Variants in CDH11 observed in about 807,000 individuals in gnomAD.
CDH11 encodes the protein cadherin-11.
In CDH11, 11 loss-of-function variants were observed where a neutral mutation model predicts 67.8. That is an observed-to-expected ratio of 0.16 (90% CI 0.10 to 0.27). CDH11 has a LOEUF of 0.27. Among genes scored for constraint, CDH11 ranks in the 10% least tolerant of loss-of-function variants. The pLI is 1.00. For synonymous variants in CDH11, 419 were observed against 400.0 expected (o/e 1.05, Z -0.57); for missense variants, 847 against 1,031.2 (o/e 0.82, Z 2.45).
intron 1 of CDH11, among the ~76,000 whole-genome samples, chr16:65,075,138 C>G (rs747537509): frequency 6.6e-6 from 1 of 152,146 alleles, no homozygotes; most frequent in Non-Finnish European, 1.5e-5. Context: ...TGGGTGTGCA[C>G]TGCCAGCCTG....
intron 12 of CDH11, 77 bp from the exon 13 acceptor site, chr16:64,948,176 T>G (rs867538276): frequency 6.5e-7 from 1 of 1,533,164 alleles, no homozygotes; most frequent in Middle Eastern, 1.8e-4. Context: ...GAACTCTGAT[T>G]ACCATAAACC....
At chr16:65,026,467 T>G (rs1034402786) in intron 2 of CDH11, among the ~76,000 whole-genome samples, 2 of 152,176 alleles carry the variant, frequency 1.3e-5, no homozygotes, top group African/African-American at 4.8e-5. Context: ...TCTTTCAAAT[T>G]TTGCTTTCTG....
chr16:65,080,764 T>C (rs941194998), intron 1 of CDH11, among the ~76,000 whole-genome samples: 11 of 152,224 alleles, frequency 7.2e-5, no homozygotes, highest in Non-Finnish European at 1.5e-4. Context: ...ATTTGTTCTT[T>C]AGTCATCATT....
At chr16:64,969,866 T>G (rs1182960300) in intron 11 of CDH11, among the ~76,000 whole-genome samples, 1 of 152,212 alleles carries the variant, frequency 6.6e-6, no homozygotes, top group Non-Finnish European at 1.5e-5. Context: ...GTATTACATA[T>G]GTGTGTCCCA....
Position 64,950,991 on chromosome 16 carries a change from C to A in CDH11, c.1670G>T (p.Arg557Leu). The A allele has an allele frequency of 6.2e-7, 1 of 1,614,032 alleles. No homozygotes were observed. The highest frequency in any genetic ancestry group is 8.5e-7 in the Non-Finnish European group (1 of 1,180,016). The change falls in exon 12 of 13, where the codon CGT becomes CTT. Residue 557 changes from arginine to leucine, a missense_variant. Around this residue, in one of 2 missense-constraint regions of CDH11, gnomAD observed 612 missense variants for 678.7 expected, o/e 0.90. Coordinates refer to ENST00000268603, the MANE Select transcript of CDH11 (RefSeq NM_001797.4). ...RDNTAGVYAR[R>L]GGFSRQKQDL... is the part of the protein sequence containing the mutation. ...CTGCTTCTGCCGACTGAACCCTCCA[C>A]GCCGGGCGTACACGCCTGCTGTGTT...
intron 1 of CDH11, among the ~76,000 whole-genome samples, chr16:65,117,467 C>A (rs181045643): frequency 7.8e-4 from 118 of 152,146 alleles, no homozygotes; most frequent in African/African-American, 2.7e-3. Flanking sequence ...TAATCATAAG[C>A]CATAATTTCC....
intron 8 of CDH11, among the ~76,000 whole-genome samples, chr16:64,974,733 A>T (rs1256618217): frequency 1.3e-5 from 2 of 152,214 alleles, no homozygotes; most frequent in African/African-American, 2.4e-5. Flanking sequence ...TGTGGAAAGG[A>T]GTCAAAAAAA....
At chr16:65,068,473 G>A (rs1040041779) in intron 1 of CDH11, among the ~76,000 whole-genome samples, 2 of 147,658 alleles carry the variant, frequency 1.4e-5, no homozygotes, top group African/African-American at 5.0e-5. Context: ...TTGGATCTAT[G>A]AGACTGTCTA....
At chr16:65,062,430 C>T (rs2074247670) in intron 1 of CDH11, among the ~76,000 whole-genome samples, 1 of 152,092 alleles carries the variant, frequency 6.6e-6, no homozygotes, top group Admixed American at 6.6e-5. Flanking sequence ...GTCACAGCCT[C>T]CCGCTATCTT....
intron 8 of CDH11, 66 bp downstream of exon 8, chr16:64,981,982 G>T: frequency 1.4e-6 from 2 of 1,448,816 alleles, no homozygotes; most frequent in Non-Finnish European, 9.3e-7. Context: ...GTTCCTACAG[G>T]GCTTTCCCAG....
chr16:64,945,455 G>T lies in CDH11; in HGVS notation c.*2148C>A. ...CCTAGAGAAAAGGATCATCCATGGT[G>T]ACAGGGTTACTTACAGCTGTATACT... is the stretch of plus-strand genomic sequence containing the variant. On this transcript the variant is annotated 3_prime_UTR_variant, in exon 13 of 13. Coordinates refer to ENST00000268603, the MANE Select transcript of CDH11 (RefSeq NM_001797.4). The T allele has an allele frequency of 9.6e-7, 1 of 1,036,396 alleles. No homozygotes were observed. The highest frequency in any genetic ancestry group is 1.2e-6 in the Non-Finnish European group (1 of 860,248). 64.2% of individuals were successfully genotyped at this position (1,036,396 alleles called of 1,614,324 possible).
At chr16:65,038,922 T>A (rs2073809258) in intron 2 of CDH11, among the ~76,000 whole-genome samples, 1 of 152,196 alleles carries the variant, frequency 6.6e-6, no homozygotes. Context: ...AGTGAGGACA[T>A]TTAACTTTAA....
At chr16:65,003,905 G>A (rs898963959) in intron 3 of CDH11, among the ~76,000 whole-genome samples, 2 of 152,220 alleles carry the variant, frequency 1.3e-5, no homozygotes, top group African/African-American at 4.8e-5. Context: ...GAAGTAGACA[G>A]ATTAATAAGT....
At chr16:65,040,804 T>C (rs1457303343) in intron 2 of CDH11, among the ~76,000 whole-genome samples, 1 of 152,246 alleles carries the variant, frequency 6.6e-6, no homozygotes, top group Non-Finnish European at 1.5e-5. Context: ...ACCATGCTTT[T>C]TATTGACATG....
intron 1 of CDH11, among the ~76,000 whole-genome samples, chr16:65,065,712 A>C (rs74026242): frequency 0.017 from 2,557 of 152,300 alleles, 78 homozygotes; most frequent in African/African-American, 0.058. Flanking sequence ...ATAGAGGAAG[A>C]TACTCAACAG....
At chr16:65,076,819 G>A (rs2074518795) in intron 1 of CDH11, among the ~76,000 whole-genome samples, 1 of 151,988 alleles carries the variant, frequency 6.6e-6, no homozygotes, top group African/African-American at 2.4e-5. Flanking sequence ...GAGAATGATG[G>A]TTTCCAGCTT....
rs575321945 is a variant in CDH11, at chr16:65,018,409, CA to C, written c.-172-13369del. Among the ~76,000 whole-genome samples the C allele has an allele frequency of 3.0e-4, 45 of 151,862 alleles. No individual in the cohort carries two copies. In the South Asian group the frequency reaches 7.9e-3, roughly 27 times the overall value. ...GAGTTTCTTCAATTTTGTCTGGTTA[CA>C]AAAAAATTTTAAAAAAAACAGACTC... is the stretch of plus-strand genomic sequence containing the variant. On this transcript the variant is annotated intron_variant, in intron 2 of 12. Transcript: ENST00000268603.
At chr16:65,108,131 G>A (rs988677600) in intron 1 of CDH11, among the ~76,000 whole-genome samples, 1 of 152,064 alleles carries the variant, frequency 6.6e-6, no homozygotes, top group Non-Finnish European at 1.5e-5. Flanking sequence ...TCTGGCTTGC[G>A]ATACAGGGCA....
chr16:65,007,048 T>C (rs1455875424), intron 2 of CDH11: 2 of 152,202 alleles, frequency 1.3e-5, no homozygotes, highest in African/African-American at 4.8e-5. Flanking sequence ...AGGTGCTTTC[T>C]CCAAGATGCG....
Sources: gnomAD v4.1 joint callset for allele counts (sites outside exome capture counted in the v4.1 genomes callset) on GRCh38, gnomAD v4.1.1 for gene constraint, gnomAD v4.1.1 regional missense constraint, MANE v1.5 for transcripts, NCBI Gene and HGNC (gene_info 2026-07-23, HGNC 2026-07-21) for gene names.